ADAMTSL1: variants seen among roughly 807,000 people sequenced by gnomAD.
ADAMTSL1 encodes ADAMTS-like protein 1.
A neutral mutation model predicts 201.8 loss-of-function variants in ADAMTSL1; 126 were observed. The observed-to-expected ratio is 0.62, with a 90% CI of 0.54 to 0.72. The LOEUF (loss-of-function observed/expected upper bound fraction) is 0.72, where lower values mean the gene tolerates loss of function less well. ADAMTSL1 is among the 30% of genes least tolerant of loss of function. ADAMTSL1 has a pLI of 0.00. For missense variants in ADAMTSL1, 2,679 were observed against 2,277.8 expected, an observed-to-expected ratio of 1.18 and a Z score of -3.59; for synonymous variants, 1,121 against 903.4, an observed-to-expected ratio of 1.24 and a Z score of -4.32.
chr9:18,147,430 T>G (rs1304847351), intron 1 of ADAMTSL1, among the ~76,000 whole-genome samples: 1 of 152,130 alleles, frequency 6.6e-6, no homozygotes, highest in Non-Finnish European at 1.5e-5. Context: ...TTAGCACCTA[T>G]TGGACACAGT....
At chr9:17,956,643 C>T (rs1436329113) in intron 1 of ADAMTSL1, among the ~76,000 whole-genome samples, 2 of 152,090 alleles carry the variant, frequency 1.3e-5, no homozygotes, top group Non-Finnish European at 2.9e-5. Context: ...TCTGGAAAGC[C>T]TTCTCTGTAT....
intron 2 of ADAMTSL1, among the ~76,000 whole-genome samples, chr9:18,376,811 A>T (rs1028597653): frequency 4.6e-5 from 7 of 152,272 alleles, no homozygotes; most frequent in African/African-American, 1.7e-4. Flanking sequence ...GTCTCAAAAA[A>T]AAAGACTTAA....
intron 15 of ADAMTSL1, among the ~76,000 whole-genome samples, chr9:18,752,570 A>T (rs181133486): frequency 1.3e-5 from 2 of 152,208 alleles, no homozygotes; most frequent in African/African-American, 4.8e-5. Flanking sequence ...GATTGTTTTC[A>T]TAGGCCCTTA....
At chr9:17,925,856 T>TAA (rs59321084) in intron 1 of ADAMTSL1, among the ~76,000 whole-genome samples, 88,769 of 147,814 alleles carry the variant, frequency 0.6, 27,977 homozygotes, top group Non-Finnish European at 0.69. Context: ...AAAGTATAAT[T>TAA]AAAAAAAAAA....
intron 7 of ADAMTSL1, among the ~76,000 whole-genome samples, 153 bp downstream of exon 7, chr9:18,639,564 T>A (rs906822975): frequency 1.3e-5 from 2 of 152,068 alleles, no homozygotes; most frequent in South Asian, 4.1e-4. Context: ...TTGAGCTAGC[T>A]GCATCCTGGA....
chr9:18,229,095 T>C (rs1417563000), intron 2 of ADAMTSL1, among the ~76,000 whole-genome samples: 1 of 152,276 alleles, frequency 6.6e-6, no homozygotes, highest in African/African-American at 2.4e-5. Context: ...AGAGGCACTT[T>C]ACAGCATATG....
At position 18,053,947 on chromosome 9, in the gene ADAMTSL1, C is replaced by T. The variant is rs559102345; in HGVS notation, c.88-109915C>T. Among the ~76,000 whole-genome samples, 7 of 151,336 alleles carry T rather than the reference C, an allele frequency of 4.6e-5. No homozygotes were observed. In the East Asian group the frequency reaches 9.7e-4, roughly 21 times the overall value. On this transcript the variant is annotated intron_variant, in intron 1 of 29. Coordinates refer to the ADAMTSL1 transcript ENST00000680146. ...TCACTGTGTAGGACATCTGTATCAA[C>T]GTTTTGATGGTGTTAAAAGTACAGA...
At chr9:18,778,436 G>C (rs1458874662) in intron 19 of ADAMTSL1, among the ~76,000 whole-genome samples, 1 of 152,204 alleles carries the variant, frequency 6.6e-6, no homozygotes, top group African/African-American at 2.4e-5. Context: ...AGTGGGACCT[G>C]TGATTGATTA....
chr9:18,671,449 T>C (rs536772069), intron 9 of ADAMTSL1, among the ~76,000 whole-genome samples: 1 of 152,278 alleles, frequency 6.6e-6, no homozygotes, highest in African/African-American at 2.4e-5. Context: ...GGAGATCTAC[T>C]TGGCAAACAT....
intron 1 of ADAMTSL1, among the ~76,000 whole-genome samples, chr9:17,952,766 A>G (rs981525516): frequency 6.6e-5 from 10 of 152,138 alleles, no homozygotes; most frequent in Non-Finnish European, 1.3e-4. Flanking sequence ...GACTCAAGCC[A>G]TCCATCTGAC....
intron 1 of ADAMTSL1, among the ~76,000 whole-genome samples, chr9:17,957,049 A>G (rs1827960018): frequency 6.6e-6 from 1 of 152,154 alleles, no homozygotes; most frequent in African/African-American, 2.4e-5. Context: ...ATTTTCCTAG[A>G]TTTTCATGAT....
At chr9:18,718,072 T>C in intron 14 of ADAMTSL1, 16 of 1,479,232 alleles carry the variant, frequency 1.1e-5, no homozygotes, top group Non-Finnish European at 1.5e-5. Context: ...CATTAACATT[T>C]ATTTTGAATT....
chr9:18,255,755 G>T (rs1436358729), intron 2 of ADAMTSL1, among the ~76,000 whole-genome samples: 1 of 152,098 alleles, frequency 6.6e-6, no homozygotes, highest in East Asian at 1.9e-4. Flanking sequence ...TCGTTCTGTC[G>T]AAATCCCACT....
intron 1 of ADAMTSL1, among the ~76,000 whole-genome samples, chr9:18,044,836 A>G (rs1305367517): frequency 2.0e-5 from 3 of 152,190 alleles, no homozygotes; most frequent in East Asian, 1.9e-4. Context: ...CTACTGGTGT[A>G]TAGGTCTTTT....
At chr9:18,570,696 A>G (rs941725322) in intron 3 of ADAMTSL1, among the ~76,000 whole-genome samples, 3 of 152,228 alleles carry the variant, frequency 2.0e-5, no homozygotes, top group Admixed American at 6.5e-5. Flanking sequence ...AAGTACAAAT[A>G]AACTCAAACA....
intron 1 of ADAMTSL1, among the ~76,000 whole-genome samples, chr9:18,060,979 A>G (rs891279235): frequency 3.9e-5 from 6 of 152,204 alleles, no homozygotes; most frequent in African/African-American, 1.4e-4. Flanking sequence ...CTCACACTGG[A>G]TGAGAACATA....
intron 5 of ADAMTSL1, among the ~76,000 whole-genome samples, chr9:18,631,865 C>A (rs989053823): frequency 1.3e-5 from 2 of 152,156 alleles, no homozygotes; most frequent in Non-Finnish European, 2.9e-5. Flanking sequence ...AAATTTTGTT[C>A]ATTGAATGGA....
intron 2 of ADAMTSL1, among the ~76,000 whole-genome samples, chr9:18,174,967 T>C (rs1200722573): frequency 6.6e-6 from 1 of 152,216 alleles, no homozygotes; most frequent in Non-Finnish European, 1.5e-5. Context: ...AAATGAATAT[T>C]AAAAGAATTA....
At chr9:17,947,609 C>T (rs1011208395) in intron 1 of ADAMTSL1, among the ~76,000 whole-genome samples, 6 of 152,050 alleles carry the variant, frequency 3.9e-5, no homozygotes, top group South Asian at 2.1e-4. Context: ...ACTTAAGACA[C>T]GGTGAATTTC....
Sources: gnomAD v4.1 joint callset for allele counts (sites outside exome capture counted in the v4.1 genomes callset) on GRCh38, gnomAD v4.1.1 for gene constraint, MANE v1.5 for transcripts, NCBI Gene and HGNC (gene_info 2026-07-23, HGNC 2026-07-21) for gene names.